BROX: variants seen among roughly 807,000 people sequenced by gnomAD.
BROX encodes the protein BRO1 domain-containing protein BROX.
A neutral mutation model predicts 61.0 loss-of-function variants in BROX; 53 were observed. The observed-to-expected ratio is 0.87, with a 90% CI of 0.70 to 1.09. The LOEUF (loss-of-function observed/expected upper bound fraction) is 1.09, where lower values mean the gene tolerates loss of function less well. BROX is among the 50% of genes least tolerant of loss of function. The pLI is 0.00. For missense variants in BROX, 489 were observed against 472.0 expected, an observed-to-expected ratio of 1.04 and a Z score of -0.33; for synonymous variants, 152 against 160.2, an observed-to-expected ratio of 0.95 and a Z score of 0.38.
In BROX at chr1:222,715,697, A is replaced by G. The variant is rs1431278487; in HGVS notation, c.-3A>G. 1.4e-6 allele frequency: 2 copies of G among 1,475,370 alleles called. No homozygotes were observed. Among genetic ancestry groups the G allele is most frequent in the South Asian group, 1.6e-5 (1 of 64,310 alleles). 91.4% of individuals were successfully genotyped at this position (1,475,370 alleles called of 1,614,324 possible). A position where few individuals can be genotyped will look rare whatever the true frequency, so the allele number is the denominator to read the frequency against. ...TTTTGTCTATAGAAAACATCTGGAG[A>G]AAATGACCCATTGGTTTCATAGGAA... On this transcript the variant is annotated 5_prime_UTR_variant, in exon 2 of 13. Coordinates refer to ENST00000340934, the MANE Select transcript of BROX (RefSeq NM_144695.4).
chr1:222,715,869 A>G (rs1000915108), intron 2 of BROX, 69 bp downstream of exon 2: 2 of 780,220 alleles, frequency 2.6e-6, no homozygotes, highest in Non-Finnish European at 4.3e-6. Flanking sequence ...ATACAGAAAT[A>G]TGTAACACAC....
At chr1:222,728,872 C>T in intron 9 of BROX, 44 bp downstream of exon 9, 2 of 1,431,328 alleles carry the variant, frequency 1.4e-6, no homozygotes, top group South Asian at 1.3e-5. Context: ...TATTGTTTCT[C>T]CAGCCCTTGG....
intron 8 of BROX, among the ~76,000 whole-genome samples, chr1:222,728,134 C>A (rs1443532298): frequency 1.3e-5 from 2 of 152,074 alleles, no homozygotes; most frequent in African/African-American, 4.8e-5. Context: ...TAAGAAAGGT[C>A]CCTATAGTTG....
At chr1:222,720,296 A>G (rs1358343155) in intron 4 of BROX, among the ~76,000 whole-genome samples, 1 of 152,168 alleles carries the variant, frequency 6.6e-6, no homozygotes, top group Non-Finnish European at 1.5e-5. Flanking sequence ...GCAATATTTT[A>G]TGTCGAATTC....
At chr1:222,717,346 C>T (rs961958374) in intron 2 of BROX, among the ~76,000 whole-genome samples, 4 of 152,158 alleles carry the variant, frequency 2.6e-5, no homozygotes, top group African/African-American at 9.7e-5. Context: ...TGGGCAAGTC[C>T]CTTAACTTCT....
chr1:222,725,892 C>G (rs1416094624), intron 7 of BROX, among the ~76,000 whole-genome samples: 1 of 152,160 alleles, frequency 6.6e-6, no homozygotes, highest in Non-Finnish European at 1.5e-5. Flanking sequence ...CCCTGAGCAA[C>G]AGTGTGAGAC....
intron 2 of BROX, 40 bp from the exon 3 acceptor site, chr1:222,718,885 A>G: frequency 6.6e-7 from 1 of 1,511,232 alleles, no homozygotes; most frequent in South Asian, 1.1e-5. Context: ...GATTGATTGC[A>G]GTACAGCTAA....
intron 6 of BROX, 73 bp downstream of exon 6, chr1:222,724,237 A>G (rs938190156): frequency 1.6e-6 from 2 of 1,212,902 alleles, no homozygotes; most frequent in Non-Finnish European, 2.3e-6. Context: ...TTTTGGGAGG[A>G]TATGGGGAAA....
At chr1:222,718,773 CGT>C (rs1237008168) in intron 2 of BROX, 150 bp from the exon 3 acceptor site, 7 of 645,344 alleles carry the variant, frequency 1.1e-5, no homozygotes, top group Admixed American at 6.3e-5. Flanking sequence ...CATGTGCATG[CGT>C]GTGTGTGTTT....
At chr1:222,729,748 A>G (rs1220228721) in intron 10 of BROX, 47 bp downstream of exon 10, 1 of 1,536,482 alleles carries the variant, frequency 6.5e-7, no homozygotes. Context: ...AAAACAAATG[A>G]CTTTATCATA....
intron 10 of BROX, 122 bp downstream of exon 10, chr1:222,729,823 A>G: frequency 9.2e-7 from 1 of 1,089,654 alleles, no homozygotes; most frequent in Non-Finnish European, 1.3e-6. Flanking sequence ...AATGGGTGAC[A>G]TAATTGGAGA....
chr1:222,715,604 A>G, intron 1 of BROX, 80 bp from the exon 2 acceptor site: 1 of 583,792 alleles, frequency 1.7e-6, no homozygotes, highest in Non-Finnish European at 2.6e-6. Flanking sequence ...TACTATTGAA[A>G]TAAATTGTTA....
Position 222,734,862 on chromosome 1 carries a change from G to T in BROX, c.*2148G>T, listed in dbSNP as rs1658183303. ...CGAAATGGAAAATGTAATATGCTCAGTGCTTCTGTAAAATGCAGCAATACT... is the reference window on the plus strand; with the variant it reads ...CGAAATGGAAAATGTAATATGCTCATTGCTTCTGTAAAATGCAGCAATACT... On this transcript the variant is annotated 3_prime_UTR_variant, in exon 13 of 13. Transcript: ENST00000340934. 1.3e-5 allele frequency: 2 copies of T among 152,194 alleles called. No homozygotes were observed. The highest frequency in any genetic ancestry group is 1.3e-4 in the Admixed American group (2 of 15,278). 9.4% of individuals were successfully genotyped at this position (152,194 alleles called of 1,614,324 possible).
Position 222,723,595 on chromosome 1 carries a change from A to G in BROX, c.402-497A>G, listed in dbSNP as rs377456720. Among the ~76,000 whole-genome samples, 9 of 152,340 alleles carry G rather than the reference A, an allele frequency of 5.9e-5. No individual in the cohort carries two copies. The East Asian group carries it at 9.6e-4, about 16-fold the overall frequency. On this transcript the variant is annotated intron_variant, in intron 5 of 12. Coordinates refer to ENST00000340934, the MANE Select transcript of BROX (RefSeq NM_144695.4). ...TGGGATACTGATTGGCTTAGCATTC[A>G]AAATCCTTTACAGTTTTTACTAATT...
At chr1:222,730,334 A>T (rs1240342330) in intron 11 of BROX, among the ~76,000 whole-genome samples, 157 bp downstream of exon 11, 1 of 152,180 alleles carries the variant, frequency 6.6e-6, no homozygotes, top group Non-Finnish European at 1.5e-5. Flanking sequence ...GGTGGCTCAC[A>T]ACTGTAATCC....
At chr1:222,713,817 A>G (rs1325605491) in intron 1 of BROX, 4 of 152,220 alleles carry the variant, frequency 2.6e-5, no homozygotes, top group African/African-American at 4.8e-5. Flanking sequence ...CGGAATTTAT[A>G]TGGAAGATGT....
rs896276669 is a variant in BROX, at chr1:222,733,704, C to T, written c.*990C>T. 6.6e-6 allele frequency: 1 copy of T among 152,180 alleles called. No individual in the cohort carries two copies. The highest frequency in any genetic ancestry group is 1.5e-5 in the Non-Finnish European group (1 of 68,022). The allele number at this position is 152,180 out of a possible 1,614,324, so 9.4% of individuals were successfully genotyped here. ...TGTTCCAGTACCCCTGTGCTTCATT[C>T]AGTATCAGTAACCCTGCAATGATTT... is the stretch of plus-strand genomic sequence containing the variant. On this transcript the variant is annotated 3_prime_UTR_variant, in exon 13 of 13. Coordinates refer to ENST00000340934, the MANE Select transcript of BROX (RefSeq NM_144695.4).
chr1:222,713,393 T>C (rs1003496358), intron 1 of BROX: 24 of 984,904 alleles, frequency 2.4e-5, no homozygotes, highest in Non-Finnish European at 2.9e-5. Flanking sequence ...AAGTGGGCGC[T>C]CAGAGCTCGG....
In BROX at chr1:222,718,915, C is replaced by G; in HGVS notation, c.102-10C>G. ...AGCTAACTTTACTGTCTTTTTGTAT[C>G]TCTTATAAGTGACTTGAGGTCATCC... On this transcript the variant is annotated splice_polypyrimidine_tract_variant and intron_variant, in intron 2 of 12. Coordinates refer to ENST00000340934, the MANE Select transcript of BROX (RefSeq NM_144695.4). The G allele has an allele frequency of 1.9e-6, 3 of 1,607,190 alleles. No individual in the cohort carries two copies. Among genetic ancestry groups the G allele is most frequent in the Non-Finnish European group, 2.6e-6 (3 of 1,175,052 alleles).
Sources: gnomAD v4.1 joint callset for allele counts (sites outside exome capture counted in the v4.1 genomes callset) on GRCh38, gnomAD v4.1.1 for gene constraint, MANE v1.5 for transcripts, NCBI Gene and HGNC (gene_info 2026-07-23, HGNC 2026-07-21) for gene names.